Variants in ASXL2 observed in about 807,000 individuals in gnomAD.
The protein encoded by ASXL2 is ASXL transcriptional regulator 2, also known as putative Polycomb group protein ASXL2.
Under a neutral mutation model 122.0 loss-of-function variants are expected in ASXL2, and 23 were observed. The observed-to-expected ratio is 0.19, with a 90% CI of 0.14 to 0.27. The LOEUF (loss-of-function observed/expected upper bound fraction) is 0.27, where lower values mean the gene tolerates loss of function less well. ASXL2 is among the 10% of genes least tolerant of loss of function. The probability of loss-of-function intolerance (pLI) is 1.00; values close to 1 mark genes in which losing one functional copy is unlikely to be tolerated. For synonymous variants in ASXL2, 650 were observed against 637.0 expected (o/e 1.02, Z -0.31); for missense variants, 1,518 against 1,713.8 (o/e 0.89, Z 2.02).
At chr2:25,873,642 TA>T (rs576732888) in intron 1 of ASXL2, among the ~76,000 whole-genome samples, 88 of 143,244 alleles carry the variant, frequency 6.1e-4, no homozygotes, top group African/African-American at 1.0e-3. Flanking sequence ...GTCTATATAT[TA>T]AAAAAAAAAA....
chr2:25,762,161 T>C (rs1325708497), intron 8 of ASXL2, among the ~76,000 whole-genome samples: 1 of 151,838 alleles, frequency 6.6e-6, no homozygotes, highest in Non-Finnish European at 1.5e-5. Flanking sequence ...ACATATCACA[T>C]GTAACTAAAA....
chr2:25,834,381 A>C (rs2089485669), intron 3 of ASXL2, among the ~76,000 whole-genome samples: 1 of 152,120 alleles, frequency 6.6e-6, no homozygotes, highest in African/African-American at 2.4e-5. Flanking sequence ...AATAAGAACA[A>C]ATCAAATACA....
Position 25,744,255 on chromosome 2 carries a change from G to A in ASXL2, c.2082C>T (p.Gly694=). 2 of 1,613,968 alleles carry A rather than the reference G, an allele frequency of 1.2e-6. No individual in the cohort carries two copies. The highest frequency in any genetic ancestry group is 8.5e-7 in the Non-Finnish European group (1 of 1,179,878). The change falls in exon 13 of 13, where the codon GGC becomes GGT. Residue 694 remains glycine, a synonymous_variant. Coordinates refer to ENST00000435504, the MANE Select transcript of ASXL2 (RefSeq NM_018263.6). The surrounding 1 kb of genome is among the most constrained non-coding windows in gnomAD (Gnocchi z 4.7). The part of the protein sequence containing the change: ...ASVGGTIPGP[G]PGGGQGPGEG... ...CTCCTGGACCTTGTCCACCCCCTGGGCCAGGTCCTGGAATGGTCCCTCCAA... is the reference window on the plus strand; with the variant it reads ...CTCCTGGACCTTGTCCACCCCCTGGACCAGGTCCTGGAATGGTCCCTCCAA...
intron 8 of ASXL2, among the ~76,000 whole-genome samples, chr2:25,764,326 C>T (rs1322849867): frequency 1.3e-5 from 2 of 152,194 alleles, no homozygotes; most frequent in Admixed American, 1.3e-4. Flanking sequence ...CCAATGTATA[C>T]ACCAGGGGTG....
chr2:25,802,958 C>T (rs1490803626), intron 4 of ASXL2, among the ~76,000 whole-genome samples: 1 of 152,156 alleles, frequency 6.6e-6, no homozygotes, highest in Admixed American at 6.5e-5. Context: ...TGGTAAAACC[C>T]TGTCTCTACT....
chr2:25,770,192 C>T (rs1002577330), intron 6 of ASXL2, among the ~76,000 whole-genome samples: 8 of 152,152 alleles, frequency 5.3e-5, no homozygotes, highest in Non-Finnish European at 1.2e-4. Flanking sequence ...TGATCATGTA[C>T]ATTCATTTAT....
intron 3 of ASXL2, among the ~76,000 whole-genome samples, chr2:25,816,771 A>C (rs1287303118): frequency 6.6e-6 from 1 of 152,240 alleles, no homozygotes; most frequent in African/African-American, 2.4e-5. Flanking sequence ...AAAAGTTCTT[A>C]AGAGTATGAA....
chr2:25,806,351 A>G lies in ASXL2; in HGVS notation c.144-14T>C. 6.4e-7 allele frequency: 1 copy of G among 1,564,518 alleles called. No homozygotes were observed. ...GGAGAAGTCCCACTGCAAAACAAAG[A>G]AGAGATGTGATAAGGAACACAACAA... On this transcript the variant is annotated splice_polypyrimidine_tract_variant and intron_variant, in intron 3 of 12. Transcript: ENST00000435504.
chr2:25,751,992 G>A (rs751980615), intron 11 of ASXL2, among the ~76,000 whole-genome samples: 3 of 151,952 alleles, frequency 2.0e-5, no homozygotes, highest in African/African-American at 4.8e-5. Flanking sequence ...AGTTGGTCTC[G>A]AATTCCTGGG....
chr2:25,842,112 CAAAAAAAAAA>C (rs1487875037), intron 2 of ASXL2, among the ~76,000 whole-genome samples: 1 of 102,610 alleles, frequency 9.7e-6, no homozygotes, highest in Non-Finnish European at 2.0e-5. Flanking sequence ...AACTCTGTCT[CAAAAAAAAAA>C]GAAAAAAAAA....
intron 5 of ASXL2, among the ~76,000 whole-genome samples, chr2:25,777,222 G>A (rs1162027418): frequency 6.6e-6 from 1 of 151,988 alleles, no homozygotes; most frequent in African/African-American, 2.4e-5. Flanking sequence ...TGAGTAGCTG[G>A]GACCACAGGT....
At chr2:25,798,589 C>G (rs1170106893) in intron 5 of ASXL2, among the ~76,000 whole-genome samples, 1 of 152,112 alleles carries the variant, frequency 6.6e-6, no homozygotes, top group Non-Finnish European at 1.5e-5. Flanking sequence ...CATGGTGAAA[C>G]CCCATCTCTA....
chr2:25,778,024 G>T (rs187720338), intron 5 of ASXL2, among the ~76,000 whole-genome samples: 1 of 152,252 alleles, frequency 6.6e-6, no homozygotes, highest in African/African-American at 2.4e-5. Flanking sequence ...TAATTAGTTT[G>T]CCAAAAGATA....
At chr2:25,841,257 C>T (rs1057472091) in intron 2 of ASXL2, among the ~76,000 whole-genome samples, 11 of 152,216 alleles carry the variant, frequency 7.2e-5, no homozygotes, top group African/African-American at 2.7e-4. Flanking sequence ...GATTGCACCA[C>T]TGCACTCCAG....
At chr2:25,865,838 AAATT>A (rs1185224192) in intron 1 of ASXL2, among the ~76,000 whole-genome samples, 7 of 151,794 alleles carry the variant, frequency 4.6e-5, no homozygotes, top group African/African-American at 1.2e-4. Context: ...TTTTAAGTAA[AAATT>A]AAACTAACGC....
chr2:25,734,056 T>G lies in ASXL2; in HGVS notation c.*7973A>C, dbSNP rs1370546050. On this transcript the variant is annotated 3_prime_UTR_variant, in exon 13 of 13. Transcript: ENST00000435504. ...AATGCAGTCACAGAATTAAGACAGGTTTTTTTTTTTTAAAAAAAATAGGTC... is the reference window on the plus strand; with the variant it reads ...AATGCAGTCACAGAATTAAGACAGGGTTTTTTTTTTTAAAAAAAATAGGTC... 1 of 118,376 alleles carries G rather than the reference T, an allele frequency of 8.4e-6. No homozygotes were observed. The highest frequency in any genetic ancestry group is 2.1e-4 in the East Asian group (1 of 4,824). The allele number at this position is 118,376 out of a possible 1,614,324, so 7.3% of individuals were successfully genotyped here.
At chr2:25,873,606 T>C (rs964383239) in intron 1 of ASXL2, among the ~76,000 whole-genome samples, 6 of 151,856 alleles carry the variant, frequency 4.0e-5, no homozygotes, top group Admixed American at 3.3e-4. Flanking sequence ...CTTGTGTACA[T>C]TCAAAATAAT....
intron 1 of ASXL2, among the ~76,000 whole-genome samples, chr2:25,849,045 C>T (rs1224028235): frequency 5.6e-5 from 2 of 36,016 alleles, no homozygotes; most frequent in Non-Finnish European, 1.0e-4. Flanking sequence ...AACTCCGTCT[C>T]AAAAAAAAAA....
chr2:25,775,339 GC>G (rs1198478405), intron 5 of ASXL2, among the ~76,000 whole-genome samples: 1 of 152,064 alleles, frequency 6.6e-6, no homozygotes, highest in African/African-American at 2.4e-5. Context: ...TGTTGGCCAG[GC>G]TGGTCTCAAA....
Sources: allele counts gnomAD v4.1 joint callset (sites outside exome capture counted in the v4.1 genomes callset), GRCh38; gene constraint gnomAD v4.1.1; non-coding constraint Gnocchi (gnomAD v3.1); transcripts MANE v1.5; gene names NCBI Gene and HGNC (gene_info 2026-07-23, HGNC 2026-07-21).